Variants in PAK1 observed in about 807,000 individuals in gnomAD.
The protein encoded by PAK1 is p21 (RAC1) activated kinase 1.
PAK1 carries 29 observed loss-of-function variants against 67.4 expected under a neutral mutation model. The observed-to-expected ratio is 0.43, with a 90% CI of 0.32 to 0.59. PAK1 has a LOEUF of 0.59. Among genes scored for constraint, PAK1 ranks in the 20% least tolerant of loss-of-function variants. The probability of loss-of-function intolerance (pLI) is 0.07; values close to 1 mark genes in which losing one functional copy is unlikely to be tolerated. For missense variants in PAK1, 337 were observed against 670.7 expected (o/e 0.50, Z 5.50); for synonymous variants, 223 against 237.4 (o/e 0.94, Z 0.56).
At chr11:77,331,555 TG>T in intron 14 of PAK1, among the ~76,000 whole-genome samples, 1 of 152,330 alleles carries the variant, frequency 6.6e-6, no homozygotes, top group Non-Finnish European at 1.5e-5. Flanking sequence ...AAACACTGCA[TG>T]TTCTCACTCA....
chr11:77,479,532 A>C (rs1248640728), upstream of PAK1, among the ~76,000 whole-genome samples: 1 of 151,132 alleles, frequency 6.6e-6, no homozygotes, highest in African/African-American at 2.4e-5. Context: ...TGCTGCCTTG[A>C]GTGTACACAC....
chr11:77,492,541 CT>C, the PAK1 span, among the ~76,000 whole-genome samples: 15,117 of 106,138 alleles, frequency 0.14, 1,549 homozygotes, highest in African/African-American at 0.32. Context: ...TGAGGTGGGT[CT>C]TTTTTTTTTT....
the PAK1 span, among the ~76,000 whole-genome samples, chr11:77,489,084 C>G: frequency 6.6e-6 from 1 of 152,104 alleles, no homozygotes; most frequent in Non-Finnish European, 1.5e-5. Flanking sequence ...CAGTGGAGCT[C>G]TAATATACCT....
At chr11:77,380,031 G>T in intron 2 of PAK1, 37 bp from the exon 3 acceptor site, 1 of 1,490,348 alleles carries the variant, frequency 6.7e-7, no homozygotes, top group Non-Finnish European at 9.3e-7. Context: ...TAAAAAACAG[G>T]AACATTATTG....
chr11:77,431,261 T>G (rs1170483876), intron 1 of PAK1, among the ~76,000 whole-genome samples: 1 of 152,274 alleles, frequency 6.6e-6, no homozygotes, highest in African/African-American at 2.4e-5. Flanking sequence ...TGCTACATTA[T>G]GCAACTCTAC....
chr11:77,386,274 G>A (rs922751365), intron 2 of PAK1, among the ~76,000 whole-genome samples: 3 of 152,180 alleles, frequency 2.0e-5, no homozygotes, highest in African/African-American at 7.2e-5. Context: ...GCTAATCTGA[G>A]CTCAAGGCAG....
chr11:77,408,544 C>T (rs921411765), intron 1 of PAK1, among the ~76,000 whole-genome samples: 1 of 151,232 alleles, frequency 6.6e-6, no homozygotes, highest in East Asian at 1.9e-4. Flanking sequence ...CACACACACA[C>T]ACACACACAC....
chr11:77,412,071 A>C (rs1954630641), intron 1 of PAK1: 1 of 152,250 alleles, frequency 6.6e-6, no homozygotes. Context: ...AGCAGAGCTG[A>C]GGGCGGGGAG....
At chr11:77,363,178 A>G (rs1362234643) in intron 5 of PAK1, among the ~76,000 whole-genome samples, 1 of 152,176 alleles carries the variant, frequency 6.6e-6, no homozygotes, top group Non-Finnish European at 1.5e-5. Context: ...GAAAATAGTG[A>G]AGAAGAAAAT....
chr11:77,374,181 C>T (rs550707163), intron 5 of PAK1, 147 bp downstream of exon 5: 1 of 449,636 alleles, frequency 2.2e-6, no homozygotes, highest in Admixed American at 3.9e-5. Flanking sequence ...TATCTAATTT[C>T]TTTATTGGAT....
chr11:77,415,637 G>T (rs112850912), intron 1 of PAK1, among the ~76,000 whole-genome samples: 1 of 151,990 alleles, frequency 6.6e-6, no homozygotes, highest in Non-Finnish European at 1.5e-5. Flanking sequence ...CAGTACATAT[G>T]TAAAGGGCAT....
the PAK1 span, among the ~76,000 whole-genome samples, chr11:77,495,065 G>C: frequency 2.0e-5 from 3 of 151,950 alleles, no homozygotes; most frequent in African/African-American, 7.3e-5. Context: ...GGGAGGCTGA[G>C]GCAGGAGAAT....
At chr11:77,481,835 T>A in the PAK1 span, among the ~76,000 whole-genome samples, 4 of 152,204 alleles carry the variant, frequency 2.6e-5, no homozygotes. Flanking sequence ...AAATGTAAGC[T>A]TCTTGAGTGT....
chr11:77,463,044 T>C (rs1957435015), intron 1 of PAK1, among the ~76,000 whole-genome samples: 1 of 151,912 alleles, frequency 6.6e-6, no homozygotes, highest in Admixed American at 6.6e-5. Flanking sequence ...AAACTCATTC[T>C]CTTGAAGGTG....
intron 11 of PAK1, among the ~76,000 whole-genome samples, chr11:77,339,042 C>A (rs1252077705): frequency 6.6e-6 from 1 of 151,984 alleles, no homozygotes; most frequent in Non-Finnish European, 1.5e-5. Flanking sequence ...ATACTAAAAA[C>A]TAGTGAATTA....
chr11:77,447,486 A>T (rs970419523), intron 1 of PAK1, among the ~76,000 whole-genome samples: 8 of 151,916 alleles, frequency 5.3e-5, no homozygotes, highest in African/African-American at 1.9e-4. Context: ...AGAACAGAAC[A>T]TGTCCAAAGG....
chr11:77,399,624 C>T (rs1229806633), intron 1 of PAK1, among the ~76,000 whole-genome samples: 1 of 151,806 alleles, frequency 6.6e-6, no homozygotes, highest in Non-Finnish European at 1.5e-5. Context: ...CTTTGGGAGG[C>T]CGAGGCTGGC....
chr11:77,485,020 T>C, the PAK1 span, among the ~76,000 whole-genome samples: 1 of 152,168 alleles, frequency 6.6e-6, no homozygotes, highest in Non-Finnish European at 1.5e-5. Context: ...CTTGTGAGAC[T>C]TATTCCCTAT....
In PAK1 at chr11:77,358,900, A is replaced by C; in HGVS notation, c.595T>G (p.Ser199Ala). Residue 199 changes from serine to alanine, a missense_variant and splice_region_variant, in exon 6 of 15, where the codon TCT becomes GCT. Physicochemically the swap from Ser to Ala is moderately conservative, Grantham distance 99. Coordinates refer to ENST00000356341, the MANE Select transcript of PAK1 (RefSeq NM_002576.5). The stretch of plus-strand genomic sequence containing the variant: ...TGGCCAGGTCCCCAAAGACTCACAG[A>C]TTTTGTGTGCTCTGGGCGTGGAGCA... ...VIAPRPEHTKSVYTRSVIEPL... is the reference protein window; with the variant it reads ...VIAPRPEHTKAVYTRSVIEPL... The C allele has an allele frequency of 6.2e-7, 1 of 1,613,592 alleles. No individual in the cohort carries two copies. The highest frequency in any genetic ancestry group is 8.5e-7 in the Non-Finnish European group (1 of 1,179,650).
Sources: gnomAD v4.1 joint callset for allele counts (sites outside exome capture counted in the v4.1 genomes callset) on GRCh38, gnomAD v4.1.1 for gene constraint, MANE v1.5 for transcripts, NCBI Gene and HGNC (gene_info 2026-07-23, HGNC 2026-07-21) for gene names.